The following NCOA2 variants were observed in gnomAD, a reference collection of about 807,000 sequenced individuals.
NCOA2 encodes the protein nuclear receptor coactivator 2.
In NCOA2, 21 loss-of-function variants were observed where a neutral mutation model predicts 145.1. The ratio of observed to expected loss-of-function variants is 0.14; its 90% confidence interval spans 0.10 to 0.21. NCOA2 has a LOEUF of 0.21. Ranked by LOEUF, NCOA2 falls within the 10% of genes least tolerant of loss-of-function variation. NCOA2 has a pLI of 1.00. For missense variants in NCOA2, 1,472 were observed against 1,837.6 expected (o/e 0.80, Z 3.64); for synonymous variants, 619 against 637.5 (o/e 0.97, Z 0.44).
chr8:70,172,622 G>A (rs1194817443), intron 5 of NCOA2, among the ~76,000 whole-genome samples: 9 of 152,168 alleles, frequency 5.9e-5, no homozygotes, highest in Non-Finnish European at 5.9e-5. Flanking sequence ...TACTAACCTT[G>A]AGAACTGTGT....
intron 1 of NCOA2, among the ~76,000 whole-genome samples, chr8:70,397,815 T>C (rs544222642): frequency 4.6e-5 from 7 of 152,356 alleles, no homozygotes; most frequent in Non-Finnish European, 5.9e-5. Flanking sequence ...ACAATATTTT[T>C]TATTATAAAC....
intron 1 of NCOA2, among the ~76,000 whole-genome samples, chr8:70,386,934 G>GGAGTTTTTTTTTTAAGAGACA (rs1812724517): frequency 6.6e-6 from 1 of 151,672 alleles, no homozygotes; most frequent in African/African-American, 2.4e-5. Context: ...TTAAGAGATG[G>GGAGTTTTTTTTTTAAGAGACA]GAGTCTGACT....
Position 70,156,049 on chromosome 8 carries a change from C to G in NCOA2, c.2316G>C (p.Lys772Asn). 6.2e-7 allele frequency: 1 copy of G among 1,613,266 alleles called. No homozygotes were observed. The highest frequency in any genetic ancestry group is 8.5e-7 in the Non-Finnish European group (1 of 1,179,648). ...ATTTTGTGTTACTGGCAGGATCTGT[C>G]TTACTGTCCAGTCTCTCAAGTTTGG... The part of the protein sequence containing the change: ...ITPKLERLDS[K>N]TDPASNTKLI... Residue 772 changes from lysine (K) to asparagine (N), a missense_variant, in exon 11 of 23, where the codon AAG becomes AAC. This residue lies in a region of NCOA2 where 953 missense variants were observed against 1,062.1 expected (regional missense o/e 0.90). Transcript: ENST00000452400.
In NCOA2 at chr8:70,379,738, A is replaced by T. The variant is rs111381370; in HGVS notation, c.-77+23962T>A. Among the ~76,000 whole-genome samples, 663 of 152,216 alleles carry T rather than the reference A, an allele frequency of 4.4e-3. 8 individuals carry two copies. The highest frequency in any genetic ancestry group is 0.015 in the African/African-American group (625 of 41,522). ...GAAGAAGCAGGATTGAGATTTTTTTAAAAATTTAAAAAATATATATTAGTA... is the reference window on the plus strand; with the variant it reads ...GAAGAAGCAGGATTGAGATTTTTTTTAAAATTTAAAAAATATATATTAGTA... On this transcript the variant is annotated intron_variant, in intron 1 of 22. Transcript: ENST00000452400.
chr8:70,359,957 A>G (rs1320034150), intron 1 of NCOA2, among the ~76,000 whole-genome samples: 1 of 152,112 alleles, frequency 6.6e-6, no homozygotes, highest in Non-Finnish European at 1.5e-5. Context: ...TCCATCTTTG[A>G]TATTTCTCTT....
At chr8:70,291,949 G>A (rs963727339) in intron 2 of NCOA2, among the ~76,000 whole-genome samples, 5 of 151,608 alleles carry the variant, frequency 3.3e-5, no homozygotes, top group Non-Finnish European at 4.4e-5. Flanking sequence ...GGTGGCGGGC[G>A]CCTGTAGTCC....
At chr8:70,378,582 T>C (rs1020856829) in intron 1 of NCOA2, among the ~76,000 whole-genome samples, 1 of 152,020 alleles carries the variant, frequency 6.6e-6, no homozygotes, top group Admixed American at 6.6e-5. Context: ...TATAGTTTCA[T>C]TGATTTCTTA....
chr8:70,428,031 GAATAA>G, the NCOA2 span, among the ~76,000 whole-genome samples: 642 of 151,758 alleles, frequency 4.2e-3, 3 homozygotes, highest in South Asian at 0.025. Flanking sequence ...TTAAAATTTT[GAATAA>G]AATATACTTG....
intron 2 of NCOA2, among the ~76,000 whole-genome samples, chr8:70,279,753 G>A (rs1014523120): frequency 6.6e-6 from 1 of 152,216 alleles, no homozygotes; most frequent in Non-Finnish European, 1.5e-5. Context: ...TATCAGGAAA[G>A]ATCCTTTTGA....
At chr8:70,113,910 A>C (rs1310881040) in intron 22 of NCOA2, among the ~76,000 whole-genome samples, 2 of 152,118 alleles carry the variant, frequency 1.3e-5, no homozygotes, top group Non-Finnish European at 2.9e-5. Flanking sequence ...ATGGATGATG[A>C]ATCTCTCCTT....
At chr8:70,407,739 T>G (rs1814805174), upstream of NCOA2, among the ~76,000 whole-genome samples, 1 of 151,972 alleles carries the variant, frequency 6.6e-6, no homozygotes, top group Non-Finnish European at 1.5e-5. Context: ...GAGGTTGCAG[T>G]GAGCCAAGAT....
intron 1 of NCOA2, among the ~76,000 whole-genome samples, chr8:70,348,540 T>C (rs921703762): frequency 2.0e-5 from 3 of 152,126 alleles, no homozygotes; most frequent in African/African-American, 7.2e-5. Context: ...GTTACAGTAG[T>C]CCAGGTACAA....
At chr8:70,162,400 G>A (rs142390888) in intron 9 of NCOA2, among the ~76,000 whole-genome samples, 62 of 152,242 alleles carry the variant, frequency 4.1e-4, no homozygotes, top group African/African-American at 1.4e-3. Context: ...TAACTGAATC[G>A]TTAATATTTC....
At chr8:70,432,036 A>G in the NCOA2 span, among the ~76,000 whole-genome samples, 2 of 152,328 alleles carry the variant, frequency 1.3e-5, no homozygotes, top group African/African-American at 4.8e-5. Flanking sequence ...AAGCACACAA[A>G]ATTAGGGAGG....
At chr8:70,332,677 A>C (rs755536296) in intron 1 of NCOA2, among the ~76,000 whole-genome samples, 1 of 152,196 alleles carries the variant, frequency 6.6e-6, no homozygotes, top group African/African-American at 2.4e-5. Context: ...TTTGATGCTT[A>C]TATCTAATTA....
intron 1 of NCOA2, among the ~76,000 whole-genome samples, chr8:70,341,823 T>A (rs1051222570): frequency 1.3e-5 from 2 of 152,196 alleles, no homozygotes; most frequent in Non-Finnish European, 1.5e-5. Context: ...TAGGATGAAT[T>A]TTCCAATGCT....
chr8:70,136,956 G>A (rs1809802582), intron 15 of NCOA2, among the ~76,000 whole-genome samples: 1 of 152,214 alleles, frequency 6.6e-6, no homozygotes, highest in African/African-American at 2.4e-5. Context: ...TCCACACATT[G>A]CTTATGCAAA....
intron 22 of NCOA2, among the ~76,000 whole-genome samples, chr8:70,119,126 T>C (rs1286654315): frequency 2.0e-5 from 3 of 151,616 alleles, no homozygotes; most frequent in African/African-American, 4.9e-5. Flanking sequence ...TTTTTAACTA[T>C]AGTTATGCTA....
chr8:70,429,717 C>T, the NCOA2 span, among the ~76,000 whole-genome samples: 1 of 152,136 alleles, frequency 6.6e-6, no homozygotes, highest in Non-Finnish European at 1.5e-5. Flanking sequence ...AAATCTCAAT[C>T]GTCAATTTCA....
Sources: allele counts gnomAD v4.1 joint callset (sites outside exome capture counted in the v4.1 genomes callset), GRCh38; gene constraint gnomAD v4.1.1; regional missense constraint gnomAD v4.1.1; transcripts MANE v1.5; gene names NCBI Gene and HGNC (gene_info 2026-07-23, HGNC 2026-07-21).